The following LARP4B variants were observed in gnomAD, a reference collection of about 807,000 sequenced individuals.
LARP4B encodes the protein la-related protein 4B.
A neutral mutation model predicts 89.8 loss-of-function variants in LARP4B; 12 were observed. The ratio of observed to expected loss-of-function variants is 0.13; its 90% confidence interval spans 0.09 to 0.22. The LOEUF (loss-of-function observed/expected upper bound fraction) is 0.22. Ranked by LOEUF, LARP4B falls within the 10% of genes least tolerant of loss-of-function variation. The pLI is 1.00. For missense variants in LARP4B, 757 were observed against 947.7 expected, an observed-to-expected ratio of 0.80 and a Z score of 2.64; for synonymous variants, 367 against 363.3, an observed-to-expected ratio of 1.01 and a Z score of -0.12.
At chr10:864,370 A>G (rs1280230179) in intron 3 of LARP4B, 100 bp from the exon 4 acceptor site, 2 of 1,129,836 alleles carry the variant, frequency 1.8e-6, no homozygotes, top group African/African-American at 3.1e-5. Flanking sequence ...TAGGCTCCAA[A>G]GGCTCAGCCT....
chr10:912,708 C>CA (rs60998261), intron 1 of LARP4B, among the ~76,000 whole-genome samples: 3,486 of 91,146 alleles, frequency 0.038, 95 homozygotes, highest in Admixed American at 0.079. Flanking sequence ...CTCGTCTTGA[C>CA]AAAAAAAAAA....
At chr10:815,348 G>C (rs957697136) in intron 15 of LARP4B, 1 of 259,840 alleles carries the variant, frequency 3.8e-6, no homozygotes, top group Non-Finnish European at 7.3e-6. Flanking sequence ...TTTCTTAACT[G>C]AACAGGCATC....
chr10:940,431 G>A, the LARP4B span, among the ~76,000 whole-genome samples: 1 of 152,252 alleles, frequency 6.6e-6, no homozygotes, highest in African/African-American at 2.4e-5. Flanking sequence ...TGGGATTGCA[G>A]GCATGAGCCA....
At chr10:926,451 C>T (rs1837135209) in intron 1 of LARP4B, among the ~76,000 whole-genome samples, 2 of 152,052 alleles carry the variant, frequency 1.3e-5, no homozygotes, top group South Asian at 2.1e-4. Flanking sequence ...GAGAGGGAGG[C>T]GTGGTCCTGA....
chr10:841,673 G>A (rs1271568654), intron 7 of LARP4B, among the ~76,000 whole-genome samples: 1 of 152,150 alleles, frequency 6.6e-6, no homozygotes, highest in African/African-American at 2.4e-5. Flanking sequence ...GAATGCTGCT[G>A]GCCTTTCAAA....
the LARP4B span, among the ~76,000 whole-genome samples, chr10:941,229 T>G: frequency 1.1e-4 from 17 of 152,348 alleles, no homozygotes; most frequent in Middle Eastern, 3.4e-3. Flanking sequence ...ACCTATTGTG[T>G]TCATGGAAGT....
At chr10:866,147 G>A (rs1231760151) in intron 3 of LARP4B, among the ~76,000 whole-genome samples, 1 of 152,208 alleles carries the variant, frequency 6.6e-6, no homozygotes. Flanking sequence ...GAGCACCAAT[G>A]AGCACCATGC....
chr10:844,694 A>G (rs1833688078), intron 6 of LARP4B, among the ~76,000 whole-genome samples: 1 of 152,126 alleles, frequency 6.6e-6, no homozygotes, highest in African/African-American at 2.4e-5. Flanking sequence ...CTTGTTCTCC[A>G]ACTTCAGTGT....
chr10:964,899 T>C, the LARP4B span, among the ~76,000 whole-genome samples: 1 of 152,154 alleles, frequency 6.6e-6, no homozygotes, highest in Non-Finnish European at 1.5e-5. Context: ...AAACACCTAC[T>C]GTGGGGCCAG....
the LARP4B span, among the ~76,000 whole-genome samples, chr10:976,671 G>C: frequency 6.6e-6 from 1 of 151,278 alleles, no homozygotes; most frequent in South Asian, 2.1e-4. Context: ...ATGTAGGCCT[G>C]TCACGTGATG....
intron 1 of LARP4B, among the ~76,000 whole-genome samples, chr10:914,443 G>A (rs977950559): frequency 3.3e-5 from 5 of 151,762 alleles, no homozygotes; most frequent in African/African-American, 1.2e-4. Context: ...AGGTTGCAGT[G>A]AGCCGAGATC....
rs1024365566 is a variant in LARP4B, at chr10:886,808, C to T, written c.-39-1048G>A. 6.6e-5 allele frequency among the ~76,000 whole-genome samples: 10 copies of T among 152,162 alleles called. No homozygotes were observed. The South Asian group carries it at 1.0e-3, about 16-fold the overall frequency. ...AAACAGAGAATAAAATGGTGACTAC[C>T]GCCGGGCACAGTGGCTCAAGCCTAT... is the stretch of plus-strand genomic sequence containing the variant. On this transcript the variant is annotated intron_variant, in intron 1 of 17. Coordinates refer to ENST00000316157, the MANE Select transcript of LARP4B (RefSeq NM_015155.3).
chr10:851,033 T>C (rs1044567239), intron 5 of LARP4B, among the ~76,000 whole-genome samples: 1 of 152,156 alleles, frequency 6.6e-6, no homozygotes, highest in Non-Finnish European at 1.5e-5. Flanking sequence ...CTCATATTAA[T>C]GAGCTCTGCT....
intron 1 of LARP4B, among the ~76,000 whole-genome samples, chr10:891,682 T>C (rs1039804383): frequency 1.2e-4 from 19 of 152,172 alleles, no homozygotes; most frequent in Non-Finnish European, 2.4e-4. Context: ...CATGCCACAG[T>C]CTCAGCACAA....
the LARP4B span, among the ~76,000 whole-genome samples, chr10:975,913 C>T: frequency 1.4e-5 from 2 of 145,434 alleles, no homozygotes; most frequent in African/African-American, 2.6e-5. Flanking sequence ...TGTCGTGCAA[C>T]GTGTGGACCC....
chr10:913,964 T>TA (rs967605359), intron 1 of LARP4B, among the ~76,000 whole-genome samples: 6 of 152,204 alleles, frequency 3.9e-5, no homozygotes, highest in Non-Finnish European at 7.3e-5. Context: ...AAGATATTTA[T>TA]AAACAAACTT....
rs1429754609 is a variant in LARP4B, at chr10:814,706, G to A, written c.1929+36C>T. On this transcript the variant is annotated intron_variant, in intron 17 of 17. Transcript: ENST00000316157. The surrounding 1 kb of genome is among the most constrained non-coding windows in gnomAD (Gnocchi z 4.4). ...GCGTCTGTTCACACCAGAGCCTCGC[G>A]GCTGTCGTGCAGGAAGGCAGGCACG... The A allele has an allele frequency of 1.3e-5, 20 of 1,564,450 alleles. No individual in the cohort carries two copies. Among genetic ancestry groups the A allele is most frequent in the East Asian group, 7.2e-5 (3 of 41,658 alleles).
the LARP4B span, chr10:942,566 T>C: frequency 2.6e-5 from 4 of 152,238 alleles, no homozygotes; most frequent in African/African-American, 9.6e-5. Context: ...TACCACACGA[T>C]GAGTTAATAT....
At chr10:943,099 A>G in the LARP4B span, among the ~76,000 whole-genome samples, 1 of 151,702 alleles carries the variant, frequency 6.6e-6, no homozygotes, top group Non-Finnish European at 1.5e-5. Context: ...GGCACACACC[A>G]CCACCCCTGG....
Sources: allele counts gnomAD v4.1 joint callset (sites outside exome capture counted in the v4.1 genomes callset), GRCh38; gene constraint gnomAD v4.1.1; non-coding constraint Gnocchi (gnomAD v3.1); transcripts MANE v1.5; gene names NCBI Gene and HGNC (gene_info 2026-07-23, HGNC 2026-07-21).